Variants in ARHGEF33 observed in about 807,000 individuals in gnomAD.
The protein encoded by ARHGEF33 is DH and coiled-coil domain-containing protein ENSP00000381780.
A neutral mutation model predicts 101.9 loss-of-function variants in ARHGEF33; 72 were observed. The observed-to-expected ratio is 0.71, with a 90% CI of 0.58 to 0.86. The LOEUF is 0.86. ARHGEF33 is among the 40% of genes least tolerant of loss of function. The pLI, the probability that ARHGEF33 is intolerant of heterozygous loss-of-function variation, is 0.00. For synonymous variants in ARHGEF33, 499 were observed against 442.5 expected (o/e 1.13, Z -1.60); for missense variants, 1,169 against 1,111.3 (o/e 1.05, Z -0.74).
At chr2:38,909,648 A>G (rs1666466801) in intron 2 of ARHGEF33, among the ~76,000 whole-genome samples, 1 of 149,334 alleles carries the variant, frequency 6.7e-6, no homozygotes, top group Non-Finnish European at 1.5e-5. Flanking sequence ...CCCTATTTTA[A>G]TTTTAATTCT....
intron 1 of ARHGEF33, among the ~76,000 whole-genome samples, chr2:38,894,985 G>A (rs553820357): frequency 1.6e-3 from 250 of 152,120 alleles, no homozygotes; most frequent in African/African-American, 5.8e-3. Context: ...AGGAAAAAAA[G>A]AGGAAGCCAA....
chr2:38,936,930 C>G (rs1388629876), intron 8 of ARHGEF33: 2 of 148,950 alleles, frequency 1.3e-5, no homozygotes, highest in African/African-American at 4.9e-5. Context: ...GAGCCGAGAT[C>G]GCCCCATTGC....
At chr2:38,962,979 G>A (rs1269669429) in intron 16 of ARHGEF33, among the ~76,000 whole-genome samples, 6 of 145,518 alleles carry the variant, frequency 4.1e-5, no homozygotes, top group East Asian at 2.1e-4. Flanking sequence ...AGCCGAGATC[G>A]CATCACTGCA....
chr2:38,949,548 A>G (rs1667539942), intron 10 of ARHGEF33, among the ~76,000 whole-genome samples: 1 of 152,070 alleles, frequency 6.6e-6, no homozygotes, highest in Non-Finnish European at 1.5e-5. Flanking sequence ...TACTTCTGAA[A>G]AAGGGAAAAA....
chr2:38,912,367 A>G (rs953567484), intron 2 of ARHGEF33, among the ~76,000 whole-genome samples: 1 of 152,250 alleles, frequency 6.6e-6, no homozygotes, highest in African/African-American at 2.4e-5. Flanking sequence ...AGAGCAGACT[A>G]CAAGTGAGAT....
At chr2:38,947,697 C>T (rs1312157029) in intron 10 of ARHGEF33, among the ~76,000 whole-genome samples, 1 of 152,188 alleles carries the variant, frequency 6.6e-6, no homozygotes, top group Non-Finnish European at 1.5e-5. Context: ...GAGCCACAGC[C>T]TCAGGATCAC....
At chr2:38,972,467 G>A (rs1668187624) in intron 17 of ARHGEF33, among the ~76,000 whole-genome samples, 1 of 152,124 alleles carries the variant, frequency 6.6e-6, no homozygotes, top group Non-Finnish European at 1.5e-5. Context: ...GGGATGTAGT[G>A]GAAAAGTGTT....
intron 17 of ARHGEF33, chr2:38,969,770 A>G (rs1179986154): frequency 6.6e-6 from 1 of 152,224 alleles, no homozygotes; most frequent in Non-Finnish European, 1.5e-5. Flanking sequence ...TTAAATGAGG[A>G]TTCTTAGAGG....
intron 9 of ARHGEF33, 113 bp from the exon 10 acceptor site, chr2:38,943,788 A>T: frequency 9.3e-7 from 1 of 1,075,208 alleles, no homozygotes; most frequent in African/African-American, 1.9e-5. Context: ...AAACTTGCAG[A>T]TGGTTTTTTT....
chr2:38,942,478 T>TTC (rs1329206944), intron 9 of ARHGEF33, among the ~76,000 whole-genome samples: 1 of 150,776 alleles, frequency 6.6e-6, no homozygotes, highest in Non-Finnish European at 1.5e-5. Flanking sequence ...CTTTTTTTTT[T>TTC]TTTTTTTAAG....
At chr2:38,928,347 T>C (rs569035478) in intron 4 of ARHGEF33, among the ~76,000 whole-genome samples, 204 of 152,186 alleles carry the variant, frequency 1.3e-3, no homozygotes, top group Admixed American at 2.9e-3. Flanking sequence ...CCCACCGTCA[T>C]TGAAAATACT....
rs1666681733 is a variant in ARHGEF33 at position 38,918,411 on chromosome 2, A to G, written c.-85-952A>G. 2.0e-5 allele frequency among the ~76,000 whole-genome samples: 3 copies of G among 152,186 alleles called. No individual in the cohort carries two copies. In the South Asian group the frequency reaches 6.2e-4, roughly 32 times the overall value. ...ATGCCTTAGCTGCAAGGGAGGCTAA[A>G]AGAACCTGGCGTTTTCAGCCTCTAC... On this transcript the variant is annotated intron_variant, in intron 2 of 17. Transcript: ENST00000409978.
intron 13 of ARHGEF33, among the ~76,000 whole-genome samples, chr2:38,956,287 T>G (rs1420525045): frequency 6.6e-6 from 1 of 152,218 alleles, no homozygotes; most frequent in Non-Finnish European, 1.5e-5. Context: ...ATTTACCTTC[T>G]TCGTACCTCG....
At chr2:38,933,474 C>G (rs1354727628) in intron 7 of ARHGEF33, among the ~76,000 whole-genome samples, 1 of 152,044 alleles carries the variant, frequency 6.6e-6, no homozygotes, top group Non-Finnish European at 1.5e-5. Flanking sequence ...ACCTCCACCT[C>G]CTGGGTTCAA....
intron 2 of ARHGEF33, among the ~76,000 whole-genome samples, chr2:38,914,246 A>G (rs1464941165): frequency 1.3e-5 from 2 of 152,250 alleles, no homozygotes; most frequent in Non-Finnish European, 2.9e-5. Context: ...GTAAGGCTCT[A>G]TGTACCAAGA....
chr2:38,960,557 C>CCGCCGCCGT lies in ARHGEF33; in HGVS notation c.2260_2268dup (p.Val754_Ala756dup), dbSNP rs768544168. 2.6e-4 allele frequency: 328 copies of CCGCCGCCGT among 1,274,724 alleles called. No homozygotes were observed. Among genetic ancestry groups the CCGCCGCCGT allele is most frequent in the Middle Eastern group, 4.3e-4 (2 of 4,704 alleles). 79.0% of individuals were successfully genotyped at this position (1,274,724 alleles called of 1,614,324 possible). A position where few individuals can be genotyped will look rare whatever the true frequency, so the allele number is the denominator to read the frequency against. ...GCCGCGCAGGCGCACGGCCCGGCCG[C>CCGCCGCCGT]CGCCGCCGTCGCCGCCCGCGGCGCA... On this transcript the variant is annotated inframe_insertion, in exon 16 of 18. Coordinates refer to ENST00000409978, the MANE Select transcript of ARHGEF33 (RefSeq NM_001145451.5).
At chr2:38,965,866 C>T in intron 16 of ARHGEF33, 140 bp from the exon 17 acceptor site, 1 of 972,068 alleles carries the variant, frequency 1.0e-6, no homozygotes, top group Non-Finnish European at 1.5e-6. Flanking sequence ...CCTAGGTTTG[C>T]TTTAGTTGGG....
chr2:38,956,214 C>G (rs1572774864), intron 13 of ARHGEF33, among the ~76,000 whole-genome samples: 1 of 152,150 alleles, frequency 6.6e-6, no homozygotes, highest in East Asian at 1.9e-4. Context: ...CCTGGTTCTA[C>G]TCTCTGACTT....
intron 4 of ARHGEF33, 174 bp from the exon 5 acceptor site, chr2:38,928,733 T>G: frequency 2.0e-6 from 1 of 495,586 alleles, no homozygotes; most frequent in Admixed American, 3.9e-5. Flanking sequence ...ACTCTTTTTC[T>G]TAGATAAATG....
Sources: gnomAD v4.1 joint callset for allele counts (sites outside exome capture counted in the v4.1 genomes callset) on GRCh38, gnomAD v4.1.1 for gene constraint, MANE v1.5 for transcripts, NCBI Gene and HGNC (gene_info 2026-07-23, HGNC 2026-07-21) for gene names.